The following INSR variants were observed in gnomAD, a reference collection of about 807,000 sequenced individuals.
INSR encodes the protein IR.
INSR carries 67 observed loss-of-function variants against 142.6 expected under a neutral mutation model. The observed-to-expected ratio is 0.47, with a 90% CI of 0.39 to 0.58. The LOEUF (loss-of-function observed/expected upper bound fraction) is 0.58, where lower values mean the gene tolerates loss of function less well. Ranked by LOEUF, INSR falls within the 20% of genes least tolerant of loss-of-function variation. INSR has a pLI of 0.00. For synonymous variants in INSR, 756 were observed against 743.1 expected (o/e 1.02, Z -0.28); for missense variants, 1,248 against 1,833.2 (o/e 0.68, Z 5.83).
chr19:7,197,325 TGAGTGAGTGAGTAAGC>T (rs1351466077), intron 2 of INSR, among the ~76,000 whole-genome samples: 1 of 150,094 alleles, frequency 6.7e-6, no homozygotes, highest in Non-Finnish European at 1.5e-5. Flanking sequence ...GGAGAGAGAG[TGAGTGAGTGAGTAAGC>T]GAGTGAGTGA....
intron 2 of INSR, among the ~76,000 whole-genome samples, chr19:7,201,612 G>A (rs1974955388): frequency 6.6e-6 from 1 of 151,258 alleles, no homozygotes; most frequent in Admixed American, 6.6e-5. Context: ...GCGACCAAGT[G>A]AGACTCTGTC....
intron 3 of INSR, among the ~76,000 whole-genome samples, chr19:7,178,713 C>G (rs552961833): frequency 6.7e-6 from 1 of 149,018 alleles, no homozygotes; most frequent in Non-Finnish European, 1.5e-5. Context: ...AGTGAGACTC[C>G]GTCTCAAAAC....
chr19:7,178,069 G>T (rs1400438538), intron 3 of INSR, among the ~76,000 whole-genome samples: 1 of 151,964 alleles, frequency 6.6e-6, no homozygotes, highest in Non-Finnish European at 1.5e-5. Flanking sequence ...TGCTGCTGTT[G>T]TTCTCACACT....
At chr19:7,117,497 C>A (rs994671519) in intron 21 of INSR, 87 bp from the exon 22 acceptor site, 2 of 923,858 alleles carry the variant, frequency 2.2e-6, no homozygotes, top group Non-Finnish European at 3.4e-6. Context: ...CTGCAGCCGA[C>A]ACCCACGGAC....
In INSR at chr19:7,153,001, CA is replaced by C. The variant is rs1568448937; in HGVS notation, c.2030-75del. The C allele has an allele frequency of 3.9e-4, 288 of 734,382 alleles. No homozygotes were observed. The East Asian group carries it at 6.8e-3, about 17-fold the overall frequency. 45.5% of individuals were successfully genotyped at this position (734,382 alleles called of 1,614,324 possible). A position where few individuals can be genotyped will look rare whatever the true frequency, so the allele number is the denominator to read the frequency against. ...CACATACACACACACACACACCCCA[CA>C]CACACACACACCACACACACACACC... On this transcript the variant is annotated intron_variant, in intron 9 of 21. Coordinates refer to ENST00000302850, the MANE Select transcript of INSR (RefSeq NM_000208.4).
rs975203732 is a variant in INSR, at chr19:7,192,834, T to C, written c.653-8197A>G. On this transcript the variant is annotated intron_variant, in intron 2 of 21. Transcript: ENST00000302850. This position sits in a 1 kb window ranked among gnomAD's most constrained non-coding sequence, Gnocchi z 4.2. ...TCCTGGGTGAGCACACAGAAGCAAC[T>C]ATCATCTTCCTGAAACTTTCAGCTG... Among the ~76,000 whole-genome samples the C allele has an allele frequency of 1.3e-5, 2 of 152,196 alleles. No individual in the cohort carries two copies. Among genetic ancestry groups the C allele is most frequent in the African/African-American group, 4.8e-5 (2 of 41,460 alleles).
At chr19:7,162,503 CCT>C (rs1168907136) in intron 9 of INSR, among the ~76,000 whole-genome samples, 6 of 131,094 alleles carry the variant, frequency 4.6e-5, no homozygotes, top group African/African-American at 1.8e-4. Flanking sequence ...AGAGTAAGAC[CCT>C]GTCTCAAAAA....
intron 13 of INSR, among the ~76,000 whole-genome samples, chr19:7,133,191 G>T (rs1330791281): frequency 6.6e-6 from 1 of 152,156 alleles, no homozygotes; most frequent in Non-Finnish European, 1.5e-5. Flanking sequence ...GAGCCCAGGA[G>T]GTCAAGGGTG....
intron 2 of INSR, among the ~76,000 whole-genome samples, chr19:7,262,573 A>G (rs1374612997): frequency 6.6e-6 from 1 of 152,224 alleles, no homozygotes; most frequent in Admixed American, 6.5e-5. Context: ...CTGATTCACA[A>G]TGGCAGAAAT....
In INSR at chr19:7,285,928, A is replaced by T. The variant is rs115500666; in HGVS notation, c.100+7864T>A. Among the ~76,000 whole-genome samples the T allele has an allele frequency of 3.3e-3, 505 of 152,306 alleles. 3 individuals carry two copies. The highest frequency in any genetic ancestry group is 0.012 in the African/African-American group (486 of 41,568). On this transcript the variant is annotated intron_variant, in intron 1 of 21. Coordinates refer to ENST00000302850, the MANE Select transcript of INSR (RefSeq NM_000208.4). ...CAACTCTACACATGGCTTAAAAATC[A>T]TAAAATGGTACACCTTTAAAAAGCC...
chr19:7,208,758 C>A (rs1397519775), intron 2 of INSR, among the ~76,000 whole-genome samples: 1 of 152,186 alleles, frequency 6.6e-6, no homozygotes, highest in East Asian at 1.9e-4. Flanking sequence ...GTAATCCCAG[C>A]ACTTTGGGAG....
intron 1 of INSR, chr19:7,268,421 G>A (rs80212706): frequency 0.037 from 36,169 of 984,560 alleles, 741 homozygotes; most frequent in Middle Eastern, 0.044. Flanking sequence ...ACCTGGGTGT[G>A]GTGAGGGCTT....
chr19:7,139,130 G>A (rs953791256), intron 13 of INSR, among the ~76,000 whole-genome samples: 5 of 152,188 alleles, frequency 3.3e-5, no homozygotes, highest in African/African-American at 1.2e-4. Context: ...GAGAACACAT[G>A]AGGACAAAGC....
At chr19:7,172,477 T>G (rs1311901658) in intron 4 of INSR, 43 bp from the exon 5 acceptor site, 1 of 1,597,558 alleles carries the variant, frequency 6.3e-7, no homozygotes, top group Non-Finnish European at 8.6e-7. Flanking sequence ...TATAGACATA[T>G]TTCAATCTTC....
At position 7,206,647 on chromosome 19, in the gene INSR, A is replaced by G. The variant is rs1394748751; in HGVS notation, c.653-22010T>C. ...TGATCTGTCACTGTCTCCCGTCACCACCAAATGGGACTGTCTATTTGCAAG... is the reference window on the plus strand; with the variant it reads ...TGATCTGTCACTGTCTCCCGTCACCGCCAAATGGGACTGTCTATTTGCAAG... On this transcript the variant is annotated intron_variant, in intron 2 of 21. Transcript: ENST00000302850. Among the ~76,000 whole-genome samples, 8 of 152,198 alleles carry G rather than the reference A, an allele frequency of 5.3e-5. No homozygotes were observed. In the East Asian group the frequency reaches 1.2e-3, roughly 22 times the overall value.
intron 2 of INSR, among the ~76,000 whole-genome samples, chr19:7,190,210 A>G (rs1011691539): frequency 6.6e-6 from 1 of 151,918 alleles, no homozygotes; most frequent in Non-Finnish European, 1.5e-5. Context: ...GAAAAAAATC[A>G]TCCCCAAAGA....
At chr19:7,224,965 GAGACAGAC>G (rs561913561) in intron 2 of INSR, among the ~76,000 whole-genome samples, 15 of 151,606 alleles carry the variant, frequency 9.9e-5, no homozygotes, top group East Asian at 1.9e-4. Flanking sequence ...GGATGAGAGA[GAGACAGAC>G]AGACAGACAG....
At chr19:7,200,130 CTT>C (rs1358441056) in intron 2 of INSR, among the ~76,000 whole-genome samples, 1 of 149,826 alleles carries the variant, frequency 6.7e-6, no homozygotes, top group African/African-American at 2.5e-5. Flanking sequence ...GGGGCTTGGA[CTT>C]TACCCCACAG....
At chr19:7,133,253 C>A (rs1972829834) in intron 13 of INSR, among the ~76,000 whole-genome samples, 1 of 152,090 alleles carries the variant, frequency 6.6e-6, no homozygotes, top group African/African-American at 2.4e-5. Context: ...CAGAGCTAGA[C>A]CCTGTCTCTA....
Sources: gnomAD v4.1 joint callset for allele counts (sites outside exome capture counted in the v4.1 genomes callset) on GRCh38, gnomAD v4.1.1 for gene constraint, Gnocchi (gnomAD v3.1) non-coding constraint, MANE v1.5 for transcripts, NCBI Gene and HGNC (gene_info 2026-07-23, HGNC 2026-07-21) for gene names.